The following ENPEP variants were observed in gnomAD, a reference collection of about 807,000 sequenced individuals.
ENPEP encodes glutamyl aminopeptidase.
Under a neutral mutation model 114.5 loss-of-function variants are expected in ENPEP, and 103 were observed. The ratio of observed to expected loss-of-function variants is 0.90; its 90% CI spans 0.77 to 1.06. The LOEUF is 1.06. Among genes scored for constraint, ENPEP ranks in the 50% least tolerant of loss-of-function variants. The pLI is 0.00. For synonymous variants in ENPEP, 420 were observed against 422.0 expected, an observed-to-expected ratio of 1.00 and a Z score of 0.06; for missense variants, 1,196 against 1,161.3, an observed-to-expected ratio of 1.03 and a Z score of -0.43.
chr4:110,488,617 G>T lies in ENPEP; in HGVS notation c.721G>T (p.Ala241Ser), dbSNP rs759359267. The change falls in exon 2 of 20, where the codon GCA becomes TCA. Residue 241 changes from alanine (A) to serine (S), a missense_variant. Transcript: ENST00000265162. ...TTGTTTTGATGAGCCCAACAAAAAG[G>T]CAACTTATACAATATCTATCACCCA... ...FPCFDEPNKKATYTISITHPK... is the reference protein window; with the variant it reads ...FPCFDEPNKKSTYTISITHPK... 9.9e-6 allele frequency: 16 copies of T among 1,613,964 alleles called. No individual in the cohort carries two copies. Among genetic ancestry groups the T allele is most frequent in the Non-Finnish European group, 1.4e-5 (16 of 1,179,944 alleles).
chr4:110,506,968 A>G (rs1405836051), intron 4 of ENPEP, among the ~76,000 whole-genome samples: 1 of 152,152 alleles, frequency 6.6e-6, no homozygotes, highest in African/African-American at 2.4e-5. Context: ...CCCAGCCTGT[A>G]CTGTGTTCTT....
At chr4:110,511,181 A>G (rs751514103) in intron 6 of ENPEP, among the ~76,000 whole-genome samples, 1 of 152,224 alleles carries the variant, frequency 6.6e-6, no homozygotes, top group Non-Finnish European at 1.5e-5. Flanking sequence ...AAATGCTTGA[A>G]GCCCTTACAG....
chr4:110,537,212 T>C (rs1726670854), intron 11 of ENPEP, among the ~76,000 whole-genome samples: 1 of 152,214 alleles, frequency 6.6e-6, no homozygotes, highest in Non-Finnish European at 1.5e-5. Context: ...GGTGCATTAA[T>C]TGACCCTTCC....
At chr4:110,524,785 G>A (rs1037254870) in intron 10 of ENPEP, among the ~76,000 whole-genome samples, 1 of 152,096 alleles carries the variant, frequency 6.6e-6, no homozygotes, top group African/African-American at 2.4e-5. Flanking sequence ...CTGAGACAGG[G>A]TCTTGCTGTA....
rs1337149476 is a variant in ENPEP at position 110,549,589 on chromosome 4, A to G, written c.2287A>G (p.Asn763Asp). ...CKMGDREALN[N>D]ASSLFEQWLN... is the part of the protein sequence containing the mutation. ...GATGGGAGACAGAGAAGCCTTGAAC[A>G]ATGCTTCCTCGTTATTTGAGCAGTG... is the stretch of plus-strand genomic sequence containing the variant. Residue 763 changes from asparagine (N) to aspartate (D), a missense_variant, in exon 16 of 20, where the codon AAT (asparagine) becomes GAT (aspartate). By Grantham distance (23) the Asn-to-Asp change is conservative (BLOSUM62 1). Coordinates refer to ENST00000265162, the MANE Select transcript of ENPEP (RefSeq NM_001977.4). 3.7e-6 allele frequency: 6 copies of G among 1,613,580 alleles called. No homozygotes were observed. Among genetic ancestry groups the G allele is most frequent in the South Asian group, 2.2e-5 (2 of 91,086 alleles).
chr4:110,507,044 C>T (rs1725398537), intron 4 of ENPEP, among the ~76,000 whole-genome samples: 1 of 152,156 alleles, frequency 6.6e-6, no homozygotes, highest in Non-Finnish European at 1.5e-5. Context: ...AATGGCAGAG[C>T]TTGGTAGTGA....
chr4:110,498,380 G>A (rs899187433), intron 3 of ENPEP, among the ~76,000 whole-genome samples: 3 of 152,050 alleles, frequency 2.0e-5, no homozygotes, highest in Non-Finnish European at 2.9e-5. Context: ...GGTAAATGGT[G>A]CTACTTCTGC....
intron 17 of ENPEP, among the ~76,000 whole-genome samples, chr4:110,551,089 A>AT (rs1168070311): frequency 6.9e-6 from 1 of 144,230 alleles, no homozygotes; most frequent in Non-Finnish European, 1.5e-5. Flanking sequence ...CCTCGTATCT[A>AT]TTTAAAAAAA....
chr4:110,506,643 A>C lies in ENPEP; in HGVS notation c.925A>C (p.Ile309Leu). 3 of 1,600,046 alleles carry C rather than the reference A, an allele frequency of 1.9e-6. No homozygotes were observed. The highest frequency in any genetic ancestry group is 2.6e-6 in the Non-Finnish European group (3 of 1,175,532). ...RISNSGKPLT[I>L]YVQPEQKHTA... ...TTTGTGTTTTGTTTAATAGCTTACA[A>C]TTTATGTCCAGCCAGAGCAAAAGCA... The change falls in exon 4 of 20, where the codon ATT (isoleucine) becomes CTT (leucine). Residue 309 changes from isoleucine (I) to leucine (L), a missense_variant. Transcript: ENST00000265162.
intron 8 of ENPEP, among the ~76,000 whole-genome samples, chr4:110,518,564 T>C (rs755638335): frequency 6.6e-6 from 1 of 152,238 alleles, no homozygotes; most frequent in Non-Finnish European, 1.5e-5. Flanking sequence ...TTTAATATGC[T>C]GATTACATAA....
At chr4:110,516,953 AT>A (rs1018683197) in intron 8 of ENPEP, among the ~76,000 whole-genome samples, 4 of 151,830 alleles carry the variant, frequency 2.6e-5, no homozygotes, top group African/African-American at 9.7e-5. Flanking sequence ...TATTATTATT[AT>A]TGTTATTGAG....
At chr4:110,535,649 T>C (rs1001713367) in intron 11 of ENPEP, among the ~76,000 whole-genome samples, 1 of 152,232 alleles carries the variant, frequency 6.6e-6, no homozygotes, top group Non-Finnish European at 1.5e-5. Context: ...TGAATACTCA[T>C]GTCACCTAAT....
chr4:110,540,971 G>A (rs1256110507), intron 11 of ENPEP, among the ~76,000 whole-genome samples: 1 of 152,092 alleles, frequency 6.6e-6, no homozygotes, highest in Non-Finnish European at 1.5e-5. Flanking sequence ...CACAGAGCAA[G>A]GTTTTTATCC....
chr4:110,479,807 A>T (rs527703868), intron 1 of ENPEP, among the ~76,000 whole-genome samples: 8 of 152,314 alleles, frequency 5.3e-5, no homozygotes, highest in Admixed American at 1.3e-4. Flanking sequence ...GAGAAATTTT[A>T]TCTGAATAAA....
intron 3 of ENPEP, among the ~76,000 whole-genome samples, chr4:110,503,031 T>C (rs1280232196): frequency 1.3e-5 from 2 of 152,164 alleles, no homozygotes; most frequent in Non-Finnish European, 2.9e-5. Context: ...ATTAGGTATA[T>C]CTCCTAATGC....
chr4:110,517,199 C>T (rs1725812369), intron 8 of ENPEP, among the ~76,000 whole-genome samples: 1 of 152,072 alleles, frequency 6.6e-6, no homozygotes, highest in South Asian at 2.1e-4. Context: ...CTCGGCCTCC[C>T]AAAGTGCTGG....
In ENPEP at chr4:110,476,928, G is replaced by T; in HGVS notation, c.514G>T (p.Glu172Ter). 2 of 1,614,154 alleles carry T rather than the reference G, an allele frequency of 1.2e-6. No homozygotes were observed. Among genetic ancestry groups the T allele is most frequent in the Non-Finnish European group, 1.7e-6 (2 of 1,180,028 alleles). ...CAAAAAGCAGGAGTACGTGGTGGTC[G>T]AGGCGGAGGAAGAGCTTACCCCCAG... is the stretch of plus-strand genomic sequence containing the variant. ...EYKKQEYVVV[E>*]AEEELTPSSG... The change falls in exon 1 of 20, where the codon GAG becomes TAG. Residue 172 changes from glutamate (E) to a stop codon, truncating the protein, a stop_gained. Coordinates refer to ENST00000265162, the MANE Select transcript of ENPEP (RefSeq NM_001977.4). LOFTEE classifies it high-confidence loss of function.
intron 5 of ENPEP, 145 bp downstream of exon 5, chr4:110,509,952 AT>A: frequency 8.4e-7 from 1 of 1,184,892 alleles, no homozygotes; most frequent in Non-Finnish European, 1.2e-6. Flanking sequence ...ACTAATAAAC[AT>A]TTAGCCATAA....
rs140418159 is a variant in ENPEP, at chr4:110,553,545, T to G, written c.2642+90T>G. 2.2e-4 allele frequency: 275 copies of G among 1,259,966 alleles called. No individual in the cohort carries two copies. In the African/African-American group the frequency reaches 3.5e-3, roughly 16 times the overall value. 78.0% of individuals were successfully genotyped at this position (1,259,966 alleles called of 1,614,324 possible). ...TTTCTTTGGGCCACTGTCTCTGACA[T>G]CTATACAATATCTAAAATGGCATTA... On this transcript the variant is annotated intron_variant, in intron 18 of 19. Transcript: ENST00000265162.
Sources: gnomAD v4.1 joint callset for allele counts (sites outside exome capture counted in the v4.1 genomes callset) on GRCh38, gnomAD v4.1.1 for gene constraint, MANE v1.5 for transcripts, NCBI Gene and HGNC (gene_info 2026-07-23, HGNC 2026-07-21) for gene names.